TSC22D1: variants seen among roughly 807,000 people sequenced by gnomAD.
TSC22D1 encodes TSC22 domain family member 1.
TSC22D1 carries 9 observed loss-of-function variants against 74.2 expected under a neutral mutation model. That is an observed-to-expected ratio of 0.12 (90% confidence interval 0.07 to 0.21). The LOEUF is 0.21. Among genes scored for constraint, TSC22D1 ranks in the 10% least tolerant of loss-of-function variants. The pLI is 1.00. For missense variants in TSC22D1, 1,427 were observed against 1,304.7 expected, an observed-to-expected ratio of 1.09 and a Z score of -1.44; for synonymous variants, 586 against 492.5, an observed-to-expected ratio of 1.19 and a Z score of -2.51.
intron 1 of TSC22D1, among the ~76,000 whole-genome samples, chr13:44,509,417 T>C (rs1313942175): frequency 2.0e-5 from 3 of 152,194 alleles, no homozygotes; most frequent in African/African-American, 7.2e-5. Flanking sequence ...GGCAGGCAGA[T>C]CACTTGAGGT....
At chr13:44,445,991 C>T (rs1438593288) in intron 1 of TSC22D1, among the ~76,000 whole-genome samples, 1 of 152,122 alleles carries the variant, frequency 6.6e-6, no homozygotes, top group Non-Finnish European at 1.5e-5. Flanking sequence ...AAGTTAGACA[C>T]AGAGTTTCCA....
chr13:44,495,860 A>T (rs557559345), intron 1 of TSC22D1, among the ~76,000 whole-genome samples: 1 of 152,358 alleles, frequency 6.6e-6, no homozygotes, highest in African/African-American at 2.4e-5. Context: ...ATACCAATGA[A>T]CTAAATGTAA....
chr13:44,555,060 T>C (rs1244391708), intron 1 of TSC22D1, among the ~76,000 whole-genome samples: 4 of 151,714 alleles, frequency 2.6e-5, no homozygotes, highest in South Asian at 2.1e-4. Context: ...AAGCCACTTG[T>C]AGATCCCTAA....
chr13:44,563,471 A>G (rs1201928970), intron 1 of TSC22D1, among the ~76,000 whole-genome samples: 1 of 152,198 alleles, frequency 6.6e-6, no homozygotes, highest in Non-Finnish European at 1.5e-5. Flanking sequence ...GATTCCTTTT[A>G]CACTAATCTT....
chr13:44,566,391 T>A (rs561989958), intron 1 of TSC22D1, among the ~76,000 whole-genome samples: 1 of 152,286 alleles, frequency 6.6e-6, no homozygotes, highest in South Asian at 2.1e-4. Context: ...GATTACTGAG[T>A]GGTTAAATAT....
chr13:44,573,560 T>G lies in TSC22D1; in HGVS notation c.2515A>C (p.Thr839Pro). ...GCAGAAGGCATTCCAGAAGGACCAG[T>G]TGAACTAACCTGACTTGTAACAGAA... ...SISVTSQVSS[T>P]GPSGMPSAPT... The change falls in exon 1 of 3, where the codon ACT becomes CCT. Residue 839 changes from threonine to proline, a missense_variant. Around this residue, in one of 3 missense-constraint regions of TSC22D1, gnomAD observed 1,343 missense variants for 1,191.5 expected, o/e 1.13. Coordinates refer to ENST00000458659, the MANE Select transcript of TSC22D1 (RefSeq NM_183422.4). 3 of 1,614,216 alleles carry G rather than the reference T, an allele frequency of 1.9e-6. No individual in the cohort carries two copies. Among genetic ancestry groups the G allele is most frequent in the Admixed American group, 1.7e-5 (1 of 60,034 alleles).
intron 1 of TSC22D1, among the ~76,000 whole-genome samples, chr13:44,551,405 T>G (rs879886582): frequency 0.017 from 2,551 of 149,164 alleles, 52 homozygotes; most frequent in African/African-American, 0.032. Flanking sequence ...TGTGTGTGTG[T>G]GTGTGTGTGT....
At chr13:44,565,452 G>A (rs1883308732) in intron 1 of TSC22D1, among the ~76,000 whole-genome samples, 2 of 152,098 alleles carry the variant, frequency 1.3e-5, no homozygotes, top group East Asian at 1.9e-4. Context: ...ATGGAGTGGT[G>A]GAGGGCAGCT....
chr13:44,450,241 C>T (rs374984613), intron 1 of TSC22D1, among the ~76,000 whole-genome samples: 24 of 152,288 alleles, frequency 1.6e-4, no homozygotes, highest in South Asian at 1.0e-3. Context: ...GTTTGGACAC[C>T]TCTCAGTAGT....
intron 1 of TSC22D1, among the ~76,000 whole-genome samples, chr13:44,477,313 G>A (rs1877965057): frequency 6.6e-6 from 1 of 152,082 alleles, no homozygotes; most frequent in Non-Finnish European, 1.5e-5. Context: ...GACTATCCTA[G>A]TCACTGATTG....
intron 1 of TSC22D1, among the ~76,000 whole-genome samples, chr13:44,478,577 T>C (rs1466910210): frequency 6.6e-6 from 1 of 152,164 alleles, no homozygotes; most frequent in Non-Finnish European, 1.5e-5. Context: ...TAATGGGGTA[T>C]TTGAATTTTT....
chr13:44,545,581 T>TGAA (rs1881768441), intron 1 of TSC22D1, among the ~76,000 whole-genome samples: 1 of 144,306 alleles, frequency 6.9e-6, no homozygotes, highest in Non-Finnish European at 1.5e-5. Flanking sequence ...TATAAGGTAC[T>TGAA]GAAAAAAAAA....
At chr13:44,437,801 C>T (rs1470334519) in intron 1 of TSC22D1, among the ~76,000 whole-genome samples, 1 of 152,098 alleles carries the variant, frequency 6.6e-6, no homozygotes, top group African/African-American at 2.4e-5. Context: ...AGTATGTATT[C>T]AAAGCATACA....
chr13:44,575,981 C>A lies in TSC22D1; in HGVS notation c.94G>T (p.Gly32Cys). Reference sequence around the variant, plus strand: ...GCAGAGGCGCTGCCACTACCGCTGCCCCTTCGAGGGAACATTGCCGGGTGC... The same window carrying A: ...GCAGAGGCGCTGCCACTACCGCTGCACCTTCGAGGGAACATTGCCGGGTGC... ...MAHPAMFPRR[G>C]SGSGSASALN... Residue 32 changes from glycine to cysteine, a missense_variant, in exon 1 of 3, where the codon GGC becomes TGC. This residue lies in a region of TSC22D1 where 1,343 missense variants were observed against 1,191.5 expected (regional missense o/e 1.13). Transcript: ENST00000458659. 6.2e-7 allele frequency: 1 copy of A among 1,601,384 alleles called. No homozygotes were observed. Among genetic ancestry groups the A allele is most frequent in the Non-Finnish European group, 8.5e-7 (1 of 1,173,946 alleles).
chr13:44,478,736 A>G (rs1027042288), intron 1 of TSC22D1, among the ~76,000 whole-genome samples: 1 of 152,202 alleles, frequency 6.6e-6, no homozygotes, highest in African/African-American at 2.4e-5. Context: ...CACGGTATCT[A>G]GTTTTCCTAC....
intron 1 of TSC22D1, among the ~76,000 whole-genome samples, chr13:44,563,582 T>C (rs1354241736): frequency 6.6e-6 from 1 of 152,234 alleles, no homozygotes; most frequent in Non-Finnish European, 1.5e-5. Context: ...GTTGCCTTAC[T>C]GCTGCCCAGG....
intron 1 of TSC22D1, among the ~76,000 whole-genome samples, chr13:44,542,590 T>C (rs1287341553): frequency 6.6e-6 from 1 of 152,132 alleles, no homozygotes; most frequent in African/African-American, 2.4e-5. Context: ...TTTCAGAATA[T>C]AACTTCTTTA....
intron 1 of TSC22D1, among the ~76,000 whole-genome samples, chr13:44,500,195 C>T (rs985898152): frequency 6.6e-6 from 1 of 151,412 alleles, no homozygotes; most frequent in Non-Finnish European, 1.5e-5. Context: ...TATCCTCATT[C>T]TGAGCTCCAT....
At position 44,575,182 on chromosome 13, in the gene TSC22D1, G is replaced by C; in HGVS notation, c.893C>G (p.Thr298Ser). 1 of 1,614,060 alleles carries C rather than the reference G, an allele frequency of 6.2e-7. No individual in the cohort carries two copies. The highest frequency in any genetic ancestry group is 8.5e-7 in the Non-Finnish European group (1 of 1,180,032). ...SVMTNMRAPSTTGGIGINSVT... is the reference protein window; with the variant it reads ...SVMTNMRAPSSTGGIGINSVT... The stretch of plus-strand genomic sequence containing the variant: ...AGAATTTATACCTATTCCACCTGTA[G>C]TACTTGGAGCACGCATATTAGTCAT... Residue 298 changes from threonine to serine, a missense_variant, in exon 1 of 3, where the codon ACT becomes AGT. Physicochemically the swap from Thr to Ser is moderately conservative, Grantham distance 58 (BLOSUM62 1). Transcript: ENST00000458659.
Sources: allele counts gnomAD v4.1 joint callset (sites outside exome capture counted in the v4.1 genomes callset), GRCh38; gene constraint gnomAD v4.1.1; regional missense constraint gnomAD v4.1.1; transcripts MANE v1.5; gene names NCBI Gene and HGNC (gene_info 2026-07-23, HGNC 2026-07-21).